EDNRA: variants seen among roughly 807,000 people sequenced by gnomAD.
EDNRA encodes endothelin receptor type A, also known as endothelin-1 receptor.
EDNRA carries 11 observed loss-of-function variants against 41.4 expected under a neutral mutation model. The ratio of observed to expected loss-of-function variants is 0.27; its 90% CI spans 0.17 to 0.44. The LOEUF is 0.44. Ranked by LOEUF, EDNRA falls within the 20% of genes least tolerant of loss-of-function variation. The probability of loss-of-function intolerance (pLI) is 1.00; values close to 1 mark genes in which losing one functional copy is unlikely to be tolerated. For missense variants in EDNRA, 294 were observed against 531.0 expected (o/e 0.55, Z 4.39); for synonymous variants, 172 against 183.0 (o/e 0.94, Z 0.49).
At chr4:147,526,847 G>C (rs1326999830) in intron 3 of EDNRA, among the ~76,000 whole-genome samples, 2 of 152,208 alleles carry the variant, frequency 1.3e-5, no homozygotes, top group Non-Finnish European at 2.9e-5. Flanking sequence ...CTACTAGGGA[G>C]CCTGAGATAG....
intron 3 of EDNRA, among the ~76,000 whole-genome samples, 176 bp from the exon 4 acceptor site, chr4:147,532,325 CAAAAA>C (rs59851236): frequency 2.5e-4 from 15 of 60,390 alleles, no homozygotes; most frequent in African/African-American, 8.8e-4. Context: ...GATTTTGCCT[CAAAAA>C]AAAAAAAAAA....
chr4:147,494,125 G>A (rs539832830), intron 2 of EDNRA: 175 of 152,170 alleles, frequency 1.2e-3, no homozygotes, highest in Non-Finnish European at 2.0e-3. Flanking sequence ...ATACTAGAAG[G>A]CAATAAAGAT....
At chr4:147,498,200 A>C (rs1471715650) in intron 2 of EDNRA, among the ~76,000 whole-genome samples, 2 of 152,346 alleles carry the variant, frequency 1.3e-5, no homozygotes, top group South Asian at 4.1e-4. Context: ...ATGTCTGAGC[A>C]CTGCATTTTT....
At chr4:147,525,672 AGAT>A (rs1730513760) in intron 3 of EDNRA, among the ~76,000 whole-genome samples, 1 of 151,598 alleles carries the variant, frequency 6.6e-6, no homozygotes, top group African/African-American at 2.4e-5. Context: ...TTAAAGTGGA[AGAT>A]GATGATGATG....
intron 2 of EDNRA, among the ~76,000 whole-genome samples, chr4:147,513,815 G>T (rs1038897415): frequency 1.3e-5 from 2 of 152,176 alleles, no homozygotes; most frequent in African/African-American, 4.8e-5. Flanking sequence ...TGAAGGAGAG[G>T]AGAAGAACCC....
chr4:147,490,052 G>T (rs1173078414), intron 2 of EDNRA: 1 of 151,918 alleles, frequency 6.6e-6, no homozygotes, highest in African/African-American at 2.4e-5. Flanking sequence ...ATCCTAGTTT[G>T]AAAAATGAGT....
At chr4:147,504,957 CAAAAAAAAAA>C (rs57911108) in intron 2 of EDNRA, among the ~76,000 whole-genome samples, 1 of 39,046 alleles carries the variant, frequency 2.6e-5, no homozygotes, top group Admixed American at 3.2e-4. Flanking sequence ...GACCCTGTCT[CAAAAAAAAAA>C]AAAAAAAAAA....
chr4:147,519,651 A>T lies in EDNRA; in HGVS notation c.421-200A>T, dbSNP rs1730244228. Among the ~76,000 whole-genome samples the T allele has an allele frequency of 1.3e-5, 2 of 151,822 alleles. No individual in the cohort carries two copies. Among genetic ancestry groups the T allele is most frequent in the South Asian group, 4.1e-4 (2 of 4,820 alleles). On this transcript the variant is annotated intron_variant, in intron 2 of 7. Coordinates refer to ENST00000651419, the MANE Select transcript of EDNRA (RefSeq NM_001957.4). This position sits in a 1 kb window ranked among gnomAD's most constrained non-coding sequence, Gnocchi z 4.1. ...ATTAATAATAATAAATTATATCTGT[A>T]TATCTTTCCAGACTAAAAATTGCTG...
intron 2 of EDNRA, among the ~76,000 whole-genome samples, chr4:147,514,543 G>C (rs1388126959): frequency 6.6e-6 from 1 of 151,874 alleles, no homozygotes; most frequent in Non-Finnish European, 1.5e-5. Context: ...GCATGATCTC[G>C]GCTCACTGCA....
In EDNRA at chr4:147,543,601, G is replaced by T. The variant is rs188239028; in HGVS notation, c.*983G>T. 2 of 152,070 alleles carry T rather than the reference G, an allele frequency of 1.3e-5. No individual in the cohort carries two copies. Among genetic ancestry groups the T allele is most frequent in the South Asian group, 4.1e-4 (2 of 4,824 alleles). 9.4% of individuals were successfully genotyped at this position (152,070 alleles called of 1,614,324 possible). Reference sequence around the variant, plus strand: ...AAAACACACCTAAGAGAAAAAGATCGAATTTTTCAGATGATTCAGAAATTT... The same window carrying T: ...AAAACACACCTAAGAGAAAAAGATCTAATTTTTCAGATGATTCAGAAATTT... On this transcript the variant is annotated 3_prime_UTR_variant, in exon 8 of 8. Transcript: ENST00000651419.
chr4:147,505,646 GTT>G (rs70958567), intron 2 of EDNRA, among the ~76,000 whole-genome samples: 5 of 105,232 alleles, frequency 4.8e-5, no homozygotes, highest in Admixed American at 1.0e-4. Context: ...CCCGCCGGCA[GTT>G]TTTTTTTTTT....
rs371840751 is a variant in EDNRA, at chr4:147,482,200, C to T, written c.-71+824C>T. On this transcript the variant is annotated intron_variant, in intron 1 of 7. Transcript: ENST00000651419. ...CTATGTGTTAGCTAATTGAGAAACACCTTGGCAGTCATTTCATGTAAATTG... is the reference window on the plus strand; with the variant it reads ...CTATGTGTTAGCTAATTGAGAAACATCTTGGCAGTCATTTCATGTAAATTG... Among the ~76,000 whole-genome samples, 55 of 152,276 alleles carry T rather than the reference C, an allele frequency of 3.6e-4. No individual in the cohort carries two copies. The East Asian group carries it at 7.1e-3, about 20-fold the overall frequency.
intron 2 of EDNRA, among the ~76,000 whole-genome samples, chr4:147,514,695 A>G (rs1730050653): frequency 1.3e-5 from 2 of 152,096 alleles, no homozygotes; most frequent in Admixed American, 1.3e-4. Context: ...GCTGGTCTCG[A>G]ACTCCTGGCC....
At chr4:147,530,142 A>T (rs1730696684) in intron 3 of EDNRA, among the ~76,000 whole-genome samples, 1 of 152,234 alleles carries the variant, frequency 6.6e-6, no homozygotes, top group Admixed American at 6.5e-5. Flanking sequence ...GAACATGTTG[A>T]CCACATTTTA....
intron 5 of EDNRA, among the ~76,000 whole-genome samples, chr4:147,536,713 G>T (rs1270416847): frequency 6.6e-6 from 1 of 152,204 alleles, no homozygotes; most frequent in Non-Finnish European, 1.5e-5. Context: ...ATGTACATTA[G>T]AAGAGGTAAA....
intron 2 of EDNRA, among the ~76,000 whole-genome samples, chr4:147,517,027 G>T (rs1285666800): frequency 6.6e-6 from 1 of 151,710 alleles, no homozygotes; most frequent in East Asian, 1.9e-4. Flanking sequence ...ATGTACATAG[G>T]ATGTTTTCTG....
intron 2 of EDNRA, among the ~76,000 whole-genome samples, chr4:147,500,340 C>A (rs1020024060): frequency 2.6e-5 from 4 of 152,094 alleles, no homozygotes; most frequent in Non-Finnish European, 5.9e-5. Flanking sequence ...TCTCATGTTC[C>A]ATTTTTTAAC....
At chr4:147,491,233 A>G (rs973836720) in intron 2 of EDNRA, 5 of 152,208 alleles carry the variant, frequency 3.3e-5, no homozygotes, top group African/African-American at 1.2e-4. Context: ...CAAGACTCTC[A>G]ATATGTTGCT....
intron 2 of EDNRA, among the ~76,000 whole-genome samples, chr4:147,509,479 CA>C (rs1202443679): frequency 1.3e-5 from 2 of 152,190 alleles, no homozygotes; most frequent in African/African-American, 4.8e-5. Context: ...TGATCTAGAT[CA>C]GGGGTCCTCA....
Sources: gnomAD v4.1 joint callset for allele counts (sites outside exome capture counted in the v4.1 genomes callset) on GRCh38, gnomAD v4.1.1 for gene constraint, Gnocchi (gnomAD v3.1) non-coding constraint, MANE v1.5 for transcripts, NCBI Gene and HGNC (gene_info 2026-07-23, HGNC 2026-07-21) for gene names.